Variants in EPHA6 observed in about 807,000 individuals in gnomAD.
The protein encoded by EPHA6 is EPH receptor A6, also known as ephrin type-A receptor 6.
In EPHA6, 50 loss-of-function variants were observed where a neutral mutation model predicts 112.0. The observed-to-expected ratio is 0.45, with a 90% confidence interval of 0.36 to 0.56. EPHA6 has a LOEUF of 0.56. Ranked by LOEUF, EPHA6 falls within the 20% of genes least tolerant of loss-of-function variation. EPHA6 has a pLI of 0.00. For synonymous variants in EPHA6, 529 were observed against 490.7 expected, an observed-to-expected ratio of 1.08 and a Z score of -1.03; for missense variants, 1,280 against 1,417.4, an observed-to-expected ratio of 0.90 and a Z score of 1.56.
intron 3 of EPHA6, among the ~76,000 whole-genome samples, chr3:97,095,523 C>T (rs1253372168): frequency 6.6e-6 from 1 of 151,914 alleles, no homozygotes. Context: ...TTATGTGGCA[C>T]AGGCTGATAA....
chr3:97,270,193 T>C (rs1213347535), intron 5 of EPHA6, among the ~76,000 whole-genome samples: 1 of 152,214 alleles, frequency 6.6e-6, no homozygotes, highest in Non-Finnish European at 1.5e-5. Flanking sequence ...AAAATTACTG[T>C]CAAAAATAAT....
rs187932746 is a variant in EPHA6 at position 97,750,294 on chromosome 3, A to G, written c.*1593A>G. 6.4e-3 allele frequency among the ~76,000 whole-genome samples: 914 copies of G among 141,882 alleles called. 10 individuals are homozygous for G. Among genetic ancestry groups the G allele is most frequent in the African/African-American group, 0.022 (868 of 40,102 alleles). 93.1% of individuals were successfully genotyped at this position (141,882 alleles called of 152,430 possible). ...ATCTAAATTCATTTTTTGTCATAGT[A>G]GTGGTTTTTTTTTTTTAAATAAAGG... On this transcript the variant is annotated 3_prime_UTR_variant, in exon 18 of 18. Transcript: ENST00000389672.
intron 9 of EPHA6, chr3:97,481,122 G>T (rs1363570329): frequency 5.1e-5 from 31 of 610,928 alleles, no homozygotes; most frequent in Non-Finnish European, 9.2e-5. Context: ...GGCCAAGGCA[G>T]GTGGCTGGGA....
At chr3:97,347,077 C>T (rs966894480) in intron 5 of EPHA6, among the ~76,000 whole-genome samples, 16 of 152,034 alleles carry the variant, frequency 1.1e-4, no homozygotes. Flanking sequence ...ATTGGAGAGA[C>T]CACCAGTTGT....
intron 11 of EPHA6, among the ~76,000 whole-genome samples, chr3:97,556,012 A>G (rs570743017): frequency 2.6e-5 from 4 of 151,966 alleles, no homozygotes; most frequent in Non-Finnish European, 4.4e-5. Flanking sequence ...ACTGAGCTCT[A>G]ATACACCAAG....
At chr3:97,210,612 G>A (rs2077843883) in intron 3 of EPHA6, among the ~76,000 whole-genome samples, 1 of 152,056 alleles carries the variant, frequency 6.6e-6, no homozygotes, top group African/African-American at 2.4e-5. Flanking sequence ...AAATATAATG[G>A]GTAACTAATG....
intron 5 of EPHA6, among the ~76,000 whole-genome samples, chr3:97,262,518 A>G (rs1183211680): frequency 6.6e-6 from 1 of 152,136 alleles, no homozygotes; most frequent in African/African-American, 2.4e-5. Context: ...TATTTTGTCA[A>G]TTACAAAAGA....
chr3:97,527,802 A>G (rs1195640634), intron 10 of EPHA6, among the ~76,000 whole-genome samples: 3 of 152,122 alleles, frequency 2.0e-5, no homozygotes, highest in African/African-American at 7.2e-5. Flanking sequence ...ACAGGCTGGC[A>G]TGGAACTGAA....
intron 1 of EPHA6, among the ~76,000 whole-genome samples, chr3:96,816,152 A>G (rs1029285388): frequency 2.6e-5 from 4 of 152,208 alleles, no homozygotes; most frequent in African/African-American, 9.6e-5. Flanking sequence ...TCATCAACAT[A>G]TATGGCCATT....
At chr3:97,176,325 C>T (rs775274819) in intron 3 of EPHA6, among the ~76,000 whole-genome samples, 1 of 151,746 alleles carries the variant, frequency 6.6e-6, no homozygotes, top group Non-Finnish European at 1.5e-5. Flanking sequence ...ATTTTTTCAT[C>T]AATATTTGTC....
At chr3:97,336,271 C>T (rs530092342) in intron 5 of EPHA6, among the ~76,000 whole-genome samples, 73 of 152,216 alleles carry the variant, frequency 4.8e-4, no homozygotes, top group African/African-American at 1.8e-3. Context: ...GTTAGTTTGG[C>T]CTATGCCTAG....
intron 5 of EPHA6, among the ~76,000 whole-genome samples, chr3:97,337,405 A>G (rs966231034): frequency 6.6e-6 from 1 of 152,200 alleles, no homozygotes; most frequent in Non-Finnish European, 1.5e-5. Flanking sequence ...TGACCCATTT[A>G]CTAAGTCATT....
intron 14 of EPHA6, among the ~76,000 whole-genome samples, chr3:97,640,021 C>T (rs1338315819): frequency 6.6e-6 from 1 of 151,972 alleles, no homozygotes; most frequent in African/African-American, 2.4e-5. Context: ...CATGGACATT[C>T]AGCACTTAAA....
intron 11 of EPHA6, chr3:97,559,449 G>A (rs2093158662): frequency 1.6e-5 from 5 of 307,184 alleles, no homozygotes; most frequent in South Asian, 1.4e-4. Context: ...ACAGTTGGGA[G>A]CCACTCTTCT....
At chr3:97,740,499 C>G (rs1360867560) in intron 16 of EPHA6, among the ~76,000 whole-genome samples, 1 of 152,098 alleles carries the variant, frequency 6.6e-6, no homozygotes, top group African/African-American at 2.4e-5. Flanking sequence ...TTACTACCCA[C>G]TGGGCCATAA....
intron 1 of EPHA6, among the ~76,000 whole-genome samples, chr3:96,827,194 A>G (rs552581646): frequency 6.6e-6 from 1 of 152,214 alleles, no homozygotes; most frequent in Non-Finnish European, 1.5e-5. Context: ...CACACGTTAT[A>G]GTCTTCTCAT....
intron 2 of EPHA6, among the ~76,000 whole-genome samples, chr3:96,882,493 C>A (rs2037370740): frequency 6.6e-6 from 1 of 151,970 alleles, no homozygotes; most frequent in Non-Finnish European, 1.5e-5. Flanking sequence ...GTCTTTTATC[C>A]CTTTCCCACC....
At chr3:97,031,274 A>T (rs994535338) in intron 3 of EPHA6, among the ~76,000 whole-genome samples, 104 of 152,278 alleles carry the variant, frequency 6.8e-4, no homozygotes, top group African/African-American at 2.4e-3. Context: ...TCCATTCCTT[A>T]CACCGTATAC....
At chr3:97,030,002 A>G (rs2044770254) in intron 3 of EPHA6, among the ~76,000 whole-genome samples, 1 of 152,122 alleles carries the variant, frequency 6.6e-6, no homozygotes, top group Non-Finnish European at 1.5e-5. Context: ...CTCTTATGAG[A>G]TTGTCAATAG....
Sources: gnomAD v4.1 joint callset for allele counts (sites outside exome capture counted in the v4.1 genomes callset) on GRCh38, gnomAD v4.1.1 for gene constraint, MANE v1.5 for transcripts, NCBI Gene and HGNC (gene_info 2026-07-23, HGNC 2026-07-21) for gene names.